The following SDK1 variants were observed in gnomAD, a reference collection of about 807,000 sequenced individuals.
SDK1 encodes the protein sidekick cell adhesion molecule 1.
Under a neutral mutation model 245.5 loss-of-function variants are expected in SDK1, and 157 were observed. The observed-to-expected ratio is 0.64, with a 90% CI of 0.56 to 0.73. The LOEUF is 0.73. Ranked by LOEUF, SDK1 falls within the 30% of genes least tolerant of loss-of-function variation. The pLI, the probability that SDK1 is intolerant of heterozygous loss-of-function variation, is 0.00. For missense variants in SDK1, 3,583 were observed against 3,002.3 expected (o/e 1.19, Z -4.52); for synonymous variants, 1,647 against 1,278.5 (o/e 1.29, Z -6.15).
chr7:3,900,072 A>C (rs1470729848), intron 5 of SDK1, among the ~76,000 whole-genome samples: 2 of 152,258 alleles, frequency 1.3e-5, no homozygotes, highest in Non-Finnish European at 2.9e-5. Flanking sequence ...CATTTTAAAG[A>C]GAAAGCAGTT....
chr7:3,748,973 G>GA lies in SDK1; in HGVS notation c.714-72469dup, dbSNP rs1779700327. 3.3e-5 allele frequency among the ~76,000 whole-genome samples: 5 copies of GA among 151,782 alleles called. No individual in the cohort carries two copies. In the South Asian group the frequency reaches 8.3e-4, roughly 25 times the overall value. ...TTTGTGGTAGGTTTCAGTATACTAG[G>GA]AAAAAAAATCAACCAACCAACCAAC... On this transcript the variant is annotated intron_variant, in intron 4 of 44. Transcript: ENST00000404826.
chr7:3,886,677 G>A (rs117943022), intron 5 of SDK1, among the ~76,000 whole-genome samples: 3,283 of 152,326 alleles, frequency 0.022, 60 homozygotes, highest in Non-Finnish European at 0.029. Context: ...CATTTTGGGA[G>A]GCTGGGGCAA....
At chr7:3,769,763 C>G (rs1376672649) in intron 4 of SDK1, among the ~76,000 whole-genome samples, 1 of 151,900 alleles carries the variant, frequency 6.6e-6, no homozygotes, top group East Asian at 2.0e-4. Flanking sequence ...AGTTACCAGG[C>G]CTGGCTTACT....
At chr7:3,655,250 A>G (rs1376280417) in intron 4 of SDK1, among the ~76,000 whole-genome samples, 1 of 151,262 alleles carries the variant, frequency 6.6e-6, no homozygotes, top group Non-Finnish European at 1.5e-5. Flanking sequence ...CCTGACCAAC[A>G]TGGAGAAACA....
Position 4,114,114 on chromosome 7 carries a change from G to A in SDK1, c.3663G>A (p.Gln1221=), listed in dbSNP as rs1006244610. ...TTAAGTACTGGCGCTCAGACCTCCA[G>A]TCCTCAGCAGTGGCCCAAGTCGTCA... The part of the protein sequence containing the change: ...YRIKYWRSDL[Q]SSAVAQVVSD... The change falls in exon 25 of 45, where the codon CAG becomes CAA. Residue 1221 remains glutamine, a synonymous_variant. Coordinates refer to ENST00000404826, the MANE Select transcript of SDK1 (RefSeq NM_152744.4). 8 of 1,614,116 alleles carry A rather than the reference G, an allele frequency of 5.0e-6. No individual in the cohort carries two copies. Among genetic ancestry groups the A allele is most frequent in the African/African-American group, 2.7e-5 (2 of 74,944 alleles).
intron 4 of SDK1, among the ~76,000 whole-genome samples, chr7:3,668,504 A>G (rs1345634084): frequency 6.6e-6 from 1 of 152,206 alleles, no homozygotes; most frequent in Admixed American, 6.5e-5. Context: ...GGCCTGGTGC[A>G]GTGGCTCACG....
chr7:4,128,858 G>C (rs192077364), intron 26 of SDK1, among the ~76,000 whole-genome samples: 2,942 of 123,714 alleles, frequency 0.024, 168 homozygotes, highest in African/African-American at 0.045. Flanking sequence ...CCCTGGAATA[G>C]AGCAGCTTGG....
chr7:4,157,438 A>AGGGAAAAGG (rs1554368196), intron 30 of SDK1, among the ~76,000 whole-genome samples: 8 of 103,364 alleles, frequency 7.7e-5, no homozygotes, highest in African/African-American at 4.0e-4. Context: ...AGGCAAGAGA[A>AGGGAAAAGG]AAGGAGGGAA....
intron 22 of SDK1, among the ~76,000 whole-genome samples, chr7:4,101,973 C>G (rs1256260827): frequency 6.6e-6 from 1 of 152,144 alleles, no homozygotes. Context: ...GCCCATCACT[C>G]CACAGCCCTT....
chr7:4,268,929 A>C lies in SDK1; in HGVS notation c.*3545A>C. On this transcript the variant is annotated 3_prime_UTR_variant, in exon 45 of 45. Transcript: ENST00000404826. ...ACAGATCTCATTAAAAGAAAAAAAGAAACAACTTGTAGGAAGACAGAGAGG... is the reference window on the plus strand; with the variant it reads ...ACAGATCTCATTAAAAGAAAAAAAGCAACAACTTGTAGGAAGACAGAGAGG... 1 of 337,550 alleles carries C rather than the reference A, an allele frequency of 3.0e-6. No homozygotes were observed. Among genetic ancestry groups the C allele is most frequent in the South Asian group, 2.4e-5 (1 of 41,052 alleles). The allele number at this position is 337,550 out of a possible 1,614,324, so 20.9% of individuals were successfully genotyped here.
At chr7:3,345,698 T>A (rs1780473282) in intron 1 of SDK1, among the ~76,000 whole-genome samples, 1 of 152,238 alleles carries the variant, frequency 6.6e-6, no homozygotes, top group African/African-American at 2.4e-5. Context: ...TTATCTGTTT[T>A]CCCAGGCGAT....
At chr7:4,005,393 AGTGTGTGTGT>A (rs71032920) in intron 14 of SDK1, among the ~76,000 whole-genome samples, 18,265 of 129,832 alleles carry the variant, frequency 0.14, 1,260 homozygotes, top group Non-Finnish European at 0.17. Flanking sequence ...TTCTTATGTG[AGTGTGTGTGT>A]GTGTGTGTGT....
intron 25 of SDK1, among the ~76,000 whole-genome samples, chr7:4,126,096 C>T (rs1279592063): frequency 6.6e-6 from 1 of 152,204 alleles, no homozygotes; most frequent in African/African-American, 2.4e-5. Flanking sequence ...AAGTGTCTCT[C>T]CTCCTTTTTC....
At chr7:3,723,924 G>GTATATATATATA (rs375367373) in intron 4 of SDK1, among the ~76,000 whole-genome samples, 1 of 65,302 alleles carries the variant, frequency 1.5e-5, no homozygotes, top group African/African-American at 7.0e-5. Flanking sequence ...ATATATACAC[G>GTATATATATATA]TATATATATA....
chr7:3,654,217 T>C (rs1783091677), intron 4 of SDK1, among the ~76,000 whole-genome samples: 1 of 152,156 alleles, frequency 6.6e-6, no homozygotes. Context: ...GAAAGTTCTT[T>C]TCGTTGTTGT....
chr7:4,037,922 C>T (rs759534756), intron 17 of SDK1, among the ~76,000 whole-genome samples: 1 of 152,160 alleles, frequency 6.6e-6, no homozygotes, highest in Non-Finnish European at 1.5e-5. Flanking sequence ...ATTATGTATT[C>T]CAAAGTGTTT....
chr7:3,499,232 TG>T (rs1395654801), intron 1 of SDK1, among the ~76,000 whole-genome samples: 1 of 152,256 alleles, frequency 6.6e-6, no homozygotes, highest in East Asian at 1.9e-4. Flanking sequence ...ATTCATTTTT[TG>T]TATTGATTTA....
chr7:3,618,870 A>G (rs936915007), intron 1 of SDK1, among the ~76,000 whole-genome samples: 2 of 152,222 alleles, frequency 1.3e-5, no homozygotes, highest in African/African-American at 4.8e-5. Flanking sequence ...AAATGCGGGT[A>G]TCATTGAGCT....
chr7:3,426,481 GATA>G (rs1779681203), intron 1 of SDK1, among the ~76,000 whole-genome samples: 1 of 152,178 alleles, frequency 6.6e-6, no homozygotes, highest in Non-Finnish European at 1.5e-5. Flanking sequence ...TCTAAATGGT[GATA>G]ATAAGAGAAG....
Sources: allele counts gnomAD v4.1 joint callset (sites outside exome capture counted in the v4.1 genomes callset), GRCh38; gene constraint gnomAD v4.1.1; transcripts MANE v1.5; gene names NCBI Gene and HGNC (gene_info 2026-07-23, HGNC 2026-07-21).